The following AKT3 variants were observed in gnomAD, a reference collection of about 807,000 sequenced individuals.
AKT3 encodes the protein AKT serine/threonine kinase 3.
AKT3 carries 15 observed loss-of-function variants against 65.3 expected under a neutral mutation model. The observed-to-expected ratio is 0.23, with a 90% CI of 0.15 to 0.35. The LOEUF (loss-of-function observed/expected upper bound fraction) is 0.35, where lower values mean the gene tolerates loss of function less well. Among genes scored for constraint, AKT3 ranks in the 10% least tolerant of loss-of-function variants. The pLI is 1.00. For missense variants in AKT3, 243 were observed against 576.5 expected (o/e 0.42, Z 5.92); for synonymous variants, 206 against 183.8 (o/e 1.12, Z -0.98).
At chr1:243,807,595 C>T (rs1232680061) in intron 2 of AKT3, among the ~76,000 whole-genome samples, 2 of 152,210 alleles carry the variant, frequency 1.3e-5, no homozygotes, top group African/African-American at 4.8e-5. Flanking sequence ...TCTGTAGACT[C>T]CACCTCTGGG....
At chr1:243,673,268 A>G (rs972773061) in intron 3 of AKT3, among the ~76,000 whole-genome samples, 9 of 152,338 alleles carry the variant, frequency 5.9e-5, no homozygotes, top group South Asian at 4.1e-4. Context: ...AAATACATAC[A>G]TAAGTATAGG....
chr1:243,672,767 C>T (rs1417228307), intron 3 of AKT3, among the ~76,000 whole-genome samples: 1 of 152,138 alleles, frequency 6.6e-6, no homozygotes, highest in Non-Finnish European at 1.5e-5. Context: ...CTACCATTTA[C>T]CAAAAGCACA....
intron 12 of AKT3, among the ~76,000 whole-genome samples, chr1:243,517,430 G>A (rs1164389859): frequency 6.6e-6 from 1 of 152,194 alleles, no homozygotes; most frequent in Non-Finnish European, 1.5e-5. Context: ...AATAGTAACT[G>A]TAAATGTGTC....
intron 13 of AKT3, among the ~76,000 whole-genome samples, chr1:243,511,071 G>T (rs1025338434): frequency 4.6e-5 from 7 of 152,240 alleles, no homozygotes; most frequent in African/African-American, 1.7e-4. Context: ...TAAAATTCTA[G>T]CAATGGCACA....
At chr1:243,593,192 A>C (rs1298394482) in intron 8 of AKT3, among the ~76,000 whole-genome samples, 2 of 152,260 alleles carry the variant, frequency 1.3e-5, no homozygotes, top group Non-Finnish European at 2.9e-5. Flanking sequence ...GCATTGCCAC[A>C]ATACAAAACC....
intron 2 of AKT3, among the ~76,000 whole-genome samples, chr1:243,789,040 A>T (rs965388084): frequency 1.3e-5 from 2 of 152,248 alleles, no homozygotes; most frequent in East Asian, 3.8e-4. Flanking sequence ...CTTCTCAAGG[A>T]GTAGAATCCA....
At chr1:243,598,568 C>T (rs1294224537) in intron 8 of AKT3, among the ~76,000 whole-genome samples, 2 of 152,110 alleles carry the variant, frequency 1.3e-5, no homozygotes, top group African/African-American at 4.8e-5. Flanking sequence ...AGCTGTACTC[C>T]CACGGTTTAG....
intron 5 of AKT3, among the ~76,000 whole-genome samples, chr1:243,642,550 C>G (rs1464771472): frequency 1.3e-5 from 2 of 152,174 alleles, no homozygotes; most frequent in African/African-American, 4.8e-5. Flanking sequence ...ACCTTGTGAT[C>G]CGCCCACCTT....
intron 13 of AKT3, among the ~76,000 whole-genome samples, chr1:243,510,382 G>C (rs937678446): frequency 6.6e-6 from 1 of 152,232 alleles, no homozygotes; most frequent in Non-Finnish European, 1.5e-5. Flanking sequence ...CTGCATGTTA[G>C]TGGCGGAAAT....
At chr1:243,621,980 T>C (rs1678786274) in intron 6 of AKT3, among the ~76,000 whole-genome samples, 1 of 152,170 alleles carries the variant, frequency 6.6e-6, no homozygotes, top group East Asian at 1.9e-4. Flanking sequence ...ACTATCTGCT[T>C]CCAATCCACA....
At chr1:243,711,329 AAAAC>A (rs1009759484) in intron 2 of AKT3, among the ~76,000 whole-genome samples, 1 of 152,200 alleles carries the variant, frequency 6.6e-6, no homozygotes, top group Non-Finnish European at 1.5e-5. Flanking sequence ...CTCCATCTCA[AAAAC>A]AAACAAACAA....
intron 4 of AKT3, among the ~76,000 whole-genome samples, chr1:243,651,206 G>C (rs1055867688): frequency 6.6e-6 from 1 of 152,082 alleles, no homozygotes; most frequent in Non-Finnish European, 1.5e-5. Context: ...TTTATTATTG[G>C]TGTATAGGAA....
At position 243,658,994 on chromosome 1, in the gene AKT3, C is replaced by T. The variant is rs183298472; in HGVS notation, c.284+5778G>A. Among the ~76,000 whole-genome samples, 44 of 151,720 alleles carry T rather than the reference C, an allele frequency of 2.9e-4. No individual in the cohort carries two copies. In the East Asian group the frequency reaches 5.0e-3, roughly 17 times the overall value. ...GCAGTAAGCCATGATCACACCACTG[C>T]ACTACAGCCTGGCTGACAGAGCAAG... On this transcript the variant is annotated intron_variant, in intron 4 of 13. Coordinates refer to ENST00000673466, the MANE Select transcript of AKT3 (RefSeq NM_005465.7).
At chr1:243,536,379 A>G (rs1252566352) in intron 12 of AKT3, among the ~76,000 whole-genome samples, 2 of 152,148 alleles carry the variant, frequency 1.3e-5, no homozygotes, top group African/African-American at 2.4e-5. Context: ...TTATGTCTCC[A>G]ATCCATCTTG....
chr1:243,587,028 A>C (rs1375841039), intron 8 of AKT3, among the ~76,000 whole-genome samples: 1 of 152,210 alleles, frequency 6.6e-6, no homozygotes, highest in Non-Finnish European at 1.5e-5. Flanking sequence ...AAAAGACTAA[A>C]ACACAAAAAA....
intron 8 of AKT3, among the ~76,000 whole-genome samples, chr1:243,603,466 T>C (rs1677163496): frequency 6.6e-6 from 1 of 152,204 alleles, no homozygotes; most frequent in Non-Finnish European, 1.5e-5. Context: ...GGCTTCTCTC[T>C]GCCTCTACAC....
At chr1:243,823,229 C>A (rs1483289529) in intron 2 of AKT3, among the ~76,000 whole-genome samples, 3 of 152,104 alleles carry the variant, frequency 2.0e-5, no homozygotes, top group African/African-American at 7.2e-5. Context: ...AATTCAACAT[C>A]CCTTAATGTT....
At chr1:243,815,573 G>C (rs1434392997) in intron 2 of AKT3, among the ~76,000 whole-genome samples, 3 of 147,742 alleles carry the variant, frequency 2.0e-5, no homozygotes, top group Non-Finnish European at 4.5e-5. Context: ...CTACATTTTT[G>C]TTACAACAAA....
chr1:243,536,349 T>C (rs1191540351), intron 12 of AKT3, among the ~76,000 whole-genome samples: 1 of 152,228 alleles, frequency 6.6e-6, no homozygotes, highest in African/African-American at 2.4e-5. Context: ...TAGAATTTTT[T>C]ATGGTTTCAG....
Sources: allele counts gnomAD v4.1 joint callset (sites outside exome capture counted in the v4.1 genomes callset), GRCh38; gene constraint gnomAD v4.1.1; transcripts MANE v1.5; gene names NCBI Gene and HGNC (gene_info 2026-07-23, HGNC 2026-07-21).